The following SLAIN1 variants were observed in gnomAD, a reference collection of about 807,000 sequenced individuals.
The protein encoded by SLAIN1 is SLAIN motif-containing protein 1.
A neutral mutation model predicts 55.4 loss-of-function variants in SLAIN1; 17 were observed. That is an observed-to-expected ratio of 0.31 (90% CI 0.21 to 0.46). The LOEUF (loss-of-function observed/expected upper bound fraction) is 0.46, where lower values mean the gene tolerates loss of function less well. Ranked by LOEUF, SLAIN1 falls within the 20% of genes least tolerant of loss-of-function variation. SLAIN1 has a pLI of 1.00. For synonymous variants in SLAIN1, 348 were observed against 337.4 expected, an observed-to-expected ratio of 1.03 and a Z score of -0.35; for missense variants, 682 against 785.1, an observed-to-expected ratio of 0.87 and a Z score of 1.57.
At chr13:77,750,867 T>C (rs1215908978) in intron 4 of SLAIN1, among the ~76,000 whole-genome samples, 1 of 152,160 alleles carries the variant, frequency 6.6e-6, no homozygotes, top group African/African-American at 2.4e-5. Flanking sequence ...TAAAATATTC[T>C]TTTGTGCTTT....
intron 3 of SLAIN1, 177 bp downstream of exon 3, chr13:77,744,609 G>C: frequency 1.1e-6 from 1 of 900,190 alleles, no homozygotes; most frequent in East Asian, 2.6e-5. Context: ...TGAGGTGGTA[G>C]GACTTAGTCT....
At chr13:77,699,573 T>C (rs1327604073) in intron 1 of SLAIN1, among the ~76,000 whole-genome samples, 1 of 152,200 alleles carries the variant, frequency 6.6e-6, no homozygotes, top group Non-Finnish European at 1.5e-5. Flanking sequence ...ATGGAAGGGA[T>C]TGGGAAATGG....
intron 2 of SLAIN1, among the ~76,000 whole-genome samples, chr13:77,723,506 A>G (rs2091280526): frequency 6.6e-6 from 1 of 151,716 alleles, no homozygotes; most frequent in Admixed American, 6.6e-5. Context: ...TCCTACTTTC[A>G]CTCTTATGCA....
rs1213367465 is a variant in SLAIN1 at position 77,764,108 on chromosome 13, A to G, written c.*888A>G. ...ATTTTAAAGCAAATAAATCTTTTTG[A>G]TAGACCTTTTACAAAATCCATTTGC... is the stretch of plus-strand genomic sequence containing the variant. On this transcript the variant is annotated 3_prime_UTR_variant, in exon 7 of 7. Coordinates refer to ENST00000418532, the MANE Select transcript of SLAIN1 (RefSeq NM_001242868.2). 6.6e-6 allele frequency: 1 copy of G among 152,630 alleles called. No individual in the cohort carries two copies. The highest frequency in any genetic ancestry group is 1.5e-5 in the Non-Finnish European group (1 of 68,010). 9.5% of individuals were successfully genotyped at this position (152,630 alleles called of 1,614,324 possible). A position where few individuals can be genotyped will look rare whatever the true frequency, so the allele number is the denominator to read the frequency against.
chr13:77,743,699 G>T (rs912969867), intron 2 of SLAIN1, among the ~76,000 whole-genome samples: 2 of 151,718 alleles, frequency 1.3e-5, no homozygotes, highest in African/African-American at 2.4e-5. Context: ...CTCATGGGTG[G>T]CTATAAGTCT....
chr13:77,710,202 T>C (rs931204820), intron 1 of SLAIN1, among the ~76,000 whole-genome samples: 11 of 152,182 alleles, frequency 7.2e-5, no homozygotes, highest in African/African-American at 1.2e-4. Flanking sequence ...GGCATCATAA[T>C]GACAGGATCA....
chr13:77,743,079 C>T (rs1368274220), intron 2 of SLAIN1: 3 of 1,303,154 alleles, frequency 2.3e-6, no homozygotes, highest in East Asian at 5.6e-5. Context: ...AGTCCTGTTG[C>T]AAGACTCAGC....
At chr13:77,727,306 A>C (rs1417349659) in intron 2 of SLAIN1, among the ~76,000 whole-genome samples, 1 of 152,112 alleles carries the variant, frequency 6.6e-6, no homozygotes, top group Non-Finnish European at 1.5e-5. Context: ...TAAGCATCTG[A>C]AGATGGAGGT....
In SLAIN1 at chr13:77,697,975, C is replaced by G. The variant is rs1386122829; in HGVS notation, c.62C>G (p.Pro21Arg). The change falls in exon 1 of 7, where the codon CCG (proline) becomes CGG (arginine). Residue 21 changes from proline to arginine, a missense_variant. Physicochemically the swap from Pro to Arg is moderately radical, Grantham distance 103 (BLOSUM62 -2). Coordinates refer to ENST00000418532, the MANE Select transcript of SLAIN1 (RefSeq NM_001242868.2). ...GTCAGCTCTGGAGCGGGCTCCGGGC[C>G]GGTGGTGAACGCGGAGCTGGAGGTG... ...AGVSSGAGSG[P>R]VVNAELEVKK... The G allele has an allele frequency of 6.9e-7, 1 of 1,447,826 alleles. No individual in the cohort carries two copies. The highest frequency in any genetic ancestry group is 3.2e-5 in the East Asian group (1 of 30,954). The allele number at this position is 1,447,826 out of a possible 1,614,324, so 89.7% of individuals were successfully genotyped here.
rs77785880 is a variant in SLAIN1 at position 77,748,277 on chromosome 13, A to C, written c.1258+1422A>C. Among the ~76,000 whole-genome samples, 430 of 152,154 alleles carry C rather than the reference A, an allele frequency of 2.8e-3. 2 individuals are homozygous for C. The highest frequency in any genetic ancestry group is 0.01 in the African/African-American group (416 of 41,538). Reference sequence around the variant, plus strand: ...AGTTTAAAGGAGTGGTGGCTAAAAAATGTCATCATGACTAACATATTAAAG... The same window carrying C: ...AGTTTAAAGGAGTGGTGGCTAAAAACTGTCATCATGACTAACATATTAAAG... On this transcript the variant is annotated intron_variant, in intron 4 of 6. Transcript: ENST00000418532.
At chr13:77,758,053 G>T (rs1198414595) in intron 5 of SLAIN1, among the ~76,000 whole-genome samples, 2 of 152,104 alleles carry the variant, frequency 1.3e-5, no homozygotes, top group Admixed American at 1.3e-4. Flanking sequence ...CCCACCAGCA[G>T]TGTAAAAGTG....
intron 5 of SLAIN1, among the ~76,000 whole-genome samples, chr13:77,754,279 A>G (rs996033306): frequency 3.3e-5 from 5 of 152,054 alleles, no homozygotes; most frequent in African/African-American, 1.2e-4. Flanking sequence ...GCGATCTTTC[A>G]TTTCTTTATG....
chr13:77,744,340 G>A lies in SLAIN1; in HGVS notation c.824G>A (p.Ser275Asn), dbSNP rs1210048959. 11 of 1,612,760 alleles carry A rather than the reference G, an allele frequency of 6.8e-6. 1 individual carries two copies. Among genetic ancestry groups the A allele is most frequent in the African/African-American group, 1.3e-5 (1 of 74,824 alleles). ...CAGTCATCTATCGACAGTGAGCTGA[G>A]TACTTCAGAATTGGAGGATGATTCT... ...SPQSSIDSELSTSELEDDSIS... is the reference protein window; with the variant it reads ...SPQSSIDSELNTSELEDDSIS... Residue 275 changes from serine (S) to asparagine (N), a missense_variant, in exon 3 of 7, where the codon AGT (serine) becomes AAT (asparagine). Around this residue, in one of 3 missense-constraint regions of SLAIN1, gnomAD observed 401 missense variants for 417.3 expected, o/e 0.96. Transcript: ENST00000418532.
rs77706480 is a variant in SLAIN1, at chr13:77,754,321, T to G, written c.1414+963T>G. ...TTCCTAACAACCAAGTGACATCATT[T>G]ACTCTGTACAAGGAACTGTGCTAAC... On this transcript the variant is annotated intron_variant, in intron 5 of 6. Transcript: ENST00000418532. Among the ~76,000 whole-genome samples, 29 of 152,340 alleles carry G rather than the reference T, an allele frequency of 1.9e-4. 1 individual carries two copies. In the East Asian group the frequency reaches 5.4e-3, roughly 28 times the overall value.
At chr13:77,729,464 G>A (rs775340002) in intron 2 of SLAIN1, among the ~76,000 whole-genome samples, 10 of 151,628 alleles carry the variant, frequency 6.6e-5, no homozygotes, top group Non-Finnish European at 5.9e-5. Flanking sequence ...TCATACTACT[G>A]TGACGGTTGA....
chr13:77,739,961 A>T (rs914677212), intron 2 of SLAIN1, among the ~76,000 whole-genome samples: 1 of 152,122 alleles, frequency 6.6e-6, no homozygotes, highest in Non-Finnish European at 1.5e-5. Flanking sequence ...TTTTGAAAAA[A>T]AATGAGGTAT....
chr13:77,720,414 G>C (rs1279446), intron 2 of SLAIN1, among the ~76,000 whole-genome samples: 60,646 of 151,860 alleles, frequency 0.4, 13,316 homozygotes, highest in African/African-American at 0.58. Context: ...ATTAAAGAAT[G>C]ATACTGTTTG....
chr13:77,762,405 A>AT (rs1213623308), intron 6 of SLAIN1, among the ~76,000 whole-genome samples: 10 of 152,190 alleles, frequency 6.6e-5, no homozygotes, highest in African/African-American at 2.4e-4. Flanking sequence ...TTAAATTTAA[A>AT]TTTTTTATTT....
At chr13:77,728,908 T>C (rs1387922182) in intron 2 of SLAIN1, among the ~76,000 whole-genome samples, 1 of 152,208 alleles carries the variant, frequency 6.6e-6, no homozygotes, top group African/African-American at 2.4e-5. Flanking sequence ...GAGGTTCATT[T>C]TGGGTAAGCT....
Sources: allele counts gnomAD v4.1 joint callset (sites outside exome capture counted in the v4.1 genomes callset), GRCh38; gene constraint gnomAD v4.1.1; regional missense constraint gnomAD v4.1.1; transcripts MANE v1.5; gene names NCBI Gene and HGNC (gene_info 2026-07-23, HGNC 2026-07-21).